The following TRPM3 variants were observed in gnomAD, a reference collection of about 807,000 sequenced individuals.
TRPM3 encodes the protein transient receptor potential cation channel subfamily M member 3, also known as long transient receptor potential channel 3.
A neutral mutation model predicts 181.2 loss-of-function variants in TRPM3; 77 were observed. The observed-to-expected ratio is 0.42, with a 90% CI of 0.35 to 0.51. The LOEUF is 0.51. Among genes scored for constraint, TRPM3 ranks in the 20% least tolerant of loss-of-function variants. The pLI, the probability that TRPM3 is intolerant of heterozygous loss-of-function variation, is 0.01. For synonymous variants in TRPM3, 745 were observed against 796.4 expected (o/e 0.94, Z 1.09); for missense variants, 1,759 against 2,196.7 (o/e 0.80, Z 3.98).
chr9:71,111,034 A>T (rs760975187), intron 1 of TRPM3, among the ~76,000 whole-genome samples: 18 of 152,330 alleles, frequency 1.2e-4, no homozygotes, highest in Non-Finnish European at 2.6e-4. Context: ...ATTTCACTGG[A>T]TAACCATCAA....
chr9:70,865,152 C>T (rs536356502), intron 1 of TRPM3, among the ~76,000 whole-genome samples: 48 of 152,018 alleles, frequency 3.2e-4, no homozygotes, highest in African/African-American at 1.1e-3. Context: ...CACATTTTTT[C>T]TTGTGCGCCC....
intron 7 of TRPM3, chr9:70,776,256 A>C: frequency 2.2e-6 from 1 of 454,886 alleles, no homozygotes; most frequent in Non-Finnish European, 3.9e-6. Flanking sequence ...AAAATCAATC[A>C]AGACAAGTGG....
At chr9:71,390,890 G>C (rs1159249070) in intron 1 of TRPM3, among the ~76,000 whole-genome samples, 2 of 151,908 alleles carry the variant, frequency 1.3e-5, no homozygotes, top group East Asian at 1.9e-4. Context: ...TGGAGAAATG[G>C]GCCCTAGTGA....
chr9:70,934,522 CA>C (rs2096806212), intron 1 of TRPM3, among the ~76,000 whole-genome samples: 1 of 152,182 alleles, frequency 6.6e-6, no homozygotes, highest in Non-Finnish European at 1.5e-5. Context: ...ATCAGCTAGA[CA>C]TAGGTTCATA....
At chr9:70,811,210 C>G (rs1199344063) in intron 6 of TRPM3, 1 of 1,612,424 alleles carries the variant, frequency 6.2e-7, no homozygotes, top group Non-Finnish European at 8.5e-7. Flanking sequence ...ATGAATAAAA[C>G]AAGCGGGAGT....
intron 9 of TRPM3, among the ~76,000 whole-genome samples, chr9:70,652,196 T>C (rs1023444580): frequency 6.6e-6 from 1 of 151,970 alleles, no homozygotes; most frequent in Non-Finnish European, 1.5e-5. Flanking sequence ...AATAGGAAAA[T>C]CAGGTAGAAA....
chr9:70,604,707 T>C (rs1319451209), intron 19 of TRPM3, among the ~76,000 whole-genome samples: 1 of 148,904 alleles, frequency 6.7e-6, no homozygotes, highest in Non-Finnish European at 1.5e-5. Flanking sequence ...GCAGTGGCAT[T>C]GTGATCTCGG....
At chr9:71,254,742 A>C (rs1416949975) in intron 1 of TRPM3, among the ~76,000 whole-genome samples, 1 of 152,244 alleles carries the variant, frequency 6.6e-6, no homozygotes, top group Non-Finnish European at 1.5e-5. Flanking sequence ...GTACATATTT[A>C]GACAGTTTGC....
intron 7 of TRPM3, among the ~76,000 whole-genome samples, chr9:70,771,954 G>C (rs909947372): frequency 3.3e-5 from 5 of 152,146 alleles, no homozygotes; most frequent in African/African-American, 1.2e-4. Context: ...TGGTTTACTA[G>C]TGTATTTTTG....
intron 1 of TRPM3, among the ~76,000 whole-genome samples, chr9:71,113,363 G>A (rs1246936724): frequency 6.6e-6 from 1 of 152,182 alleles, no homozygotes; most frequent in Non-Finnish European, 1.5e-5. Context: ...AGGTTTTCCA[G>A]TTTGGGCAAT....
chr9:70,596,374 C>A (rs140023029), intron 21 of TRPM3, among the ~76,000 whole-genome samples: 118 of 152,248 alleles, frequency 7.8e-4, no homozygotes, highest in African/African-American at 2.8e-3. Flanking sequence ...TACATACATA[C>A]ACAGAGCTGT....
At chr9:71,274,416 C>A (rs1236638802) in intron 1 of TRPM3, among the ~76,000 whole-genome samples, 1 of 152,162 alleles carries the variant, frequency 6.6e-6, no homozygotes, top group Non-Finnish European at 1.5e-5. Flanking sequence ...CCATAATTTA[C>A]ACATACCTAT....
intron 1 of TRPM3, among the ~76,000 whole-genome samples, chr9:71,197,670 T>A (rs567148482): frequency 6.6e-6 from 1 of 152,280 alleles, no homozygotes; most frequent in Admixed American, 6.5e-5. Context: ...AAATGTCTTC[T>A]TTTGAGAAGT....
rs564596748 is a variant in TRPM3, at chr9:70,759,940, A to G, written c.1272+1661T>C. ...CCTATTTAACAAACCTGAATGTTCTACACAAGTATCCCAGAACTTAAAGTA... is the reference window on the plus strand; with the variant it reads ...CCTATTTAACAAACCTGAATGTTCTGCACAAGTATCCCAGAACTTAAAGTA... On this transcript the variant is annotated intron_variant, in intron 8 of 25. Transcript: ENST00000677713. Among the ~76,000 whole-genome samples, 3 of 152,144 alleles carry G rather than the reference A, an allele frequency of 2.0e-5. No individual in the cohort carries two copies. The South Asian group carries it at 6.2e-4, about 32-fold the overall frequency.
At chr9:71,099,946 G>A (rs899170441) in intron 1 of TRPM3, among the ~76,000 whole-genome samples, 8 of 152,024 alleles carry the variant, frequency 5.3e-5, no homozygotes, top group African/African-American at 7.2e-5. Flanking sequence ...CCCTATTGAC[G>A]TATACTGATT....
At chr9:71,363,457 T>C (rs1226997484) in intron 1 of TRPM3, among the ~76,000 whole-genome samples, 2 of 152,208 alleles carry the variant, frequency 1.3e-5, no homozygotes, top group African/African-American at 4.8e-5. Flanking sequence ...ATCATTCCAG[T>C]GTTATTCTAT....
At chr9:70,823,181 T>C (rs1197334761) in intron 6 of TRPM3, among the ~76,000 whole-genome samples, 1 of 152,096 alleles carries the variant, frequency 6.6e-6, no homozygotes, top group African/African-American at 2.4e-5. Flanking sequence ...CCAACCACTT[T>C]CTACTACCTC....
intron 1 of TRPM3, among the ~76,000 whole-genome samples, chr9:71,217,490 C>T (rs556058762): frequency 3.3e-4 from 50 of 152,312 alleles, no homozygotes; most frequent in African/African-American, 1.1e-3. Context: ...ACACTTTCAT[C>T]ACTTCTCTGT....
chr9:70,578,982 G>C (rs2054811777), intron 22 of TRPM3, among the ~76,000 whole-genome samples: 1 of 152,092 alleles, frequency 6.6e-6, no homozygotes, highest in South Asian at 2.1e-4. Context: ...CTCTTTGCTG[G>C]GTGGTGGTTA....
Sources: allele counts gnomAD v4.1 joint callset (sites outside exome capture counted in the v4.1 genomes callset), GRCh38; gene constraint gnomAD v4.1.1; transcripts MANE v1.5; gene names NCBI Gene and HGNC (gene_info 2026-07-23, HGNC 2026-07-21).